MYO1D: variants seen among roughly 807,000 people sequenced by gnomAD.
The protein encoded by MYO1D is unconventional myosin-Id.
A neutral mutation model predicts 122.0 loss-of-function variants in MYO1D; 83 were observed. The observed-to-expected ratio is 0.68, with a 90% CI of 0.57 to 0.82. The LOEUF (loss-of-function observed/expected upper bound fraction) is 0.82, where lower values mean the gene tolerates loss of function less well. MYO1D is among the 40% of genes least tolerant of loss of function. MYO1D has a pLI of 0.00. For missense variants in MYO1D, 1,157 were observed against 1,269.5 expected, an observed-to-expected ratio of 0.91 and a Z score of 1.35; for synonymous variants, 464 against 446.9, an observed-to-expected ratio of 1.04 and a Z score of -0.48.
In MYO1D at chr17:32,650,565, T is replaced by G. The variant is rs559234052; in HGVS notation, c.2595+3278A>C. The stretch of plus-strand genomic sequence containing the variant: ...CACAGGAAGTTATCTAACAGCTTCC[T>G]GATGCTTTGTTTTAGCCTTTTATTT... On this transcript the variant is annotated intron_variant, in intron 19 of 21. Transcript: ENST00000318217. Among the ~76,000 whole-genome samples the G allele has an allele frequency of 2.0e-5, 3 of 152,336 alleles. No individual in the cohort carries two copies. The South Asian group carries it at 6.2e-4, about 32-fold the overall frequency.
chr17:32,836,774 C>T (rs1027097410), intron 1 of MYO1D, among the ~76,000 whole-genome samples: 2 of 151,880 alleles, frequency 1.3e-5, no homozygotes, highest in Non-Finnish European at 2.9e-5. Flanking sequence ...TAGATTATAC[C>T]ACGGTTAAGC....
intron 21 of MYO1D, among the ~76,000 whole-genome samples, chr17:32,536,004 G>C (rs576009302): frequency 6.6e-6 from 1 of 152,146 alleles, no homozygotes; most frequent in Non-Finnish European, 1.5e-5. Context: ...AGAGTTATGG[G>C]TCTCCCAGGA....
chr17:32,652,650 TC>T (rs1467287849), intron 19 of MYO1D, among the ~76,000 whole-genome samples: 1 of 152,142 alleles, frequency 6.6e-6, no homozygotes, highest in Non-Finnish European at 1.5e-5. Flanking sequence ...ACTAGCTACG[TC>T]CTTTGCCTTC....
Position 32,494,410 on chromosome 17 carries a change from A to T in MYO1D, c.*349T>A. 4.4e-6 allele frequency: 1 copy of T among 226,452 alleles called. No homozygotes were observed. The allele number at this position is 226,452 out of a possible 1,614,324, so 14.0% of individuals were successfully genotyped here. ...CCCTTCCCTCTGCAGGGTCAGCAGC[A>T]GGGAGGACACCTGTCCAGGTGCTCT... On this transcript the variant is annotated 3_prime_UTR_variant, in exon 22 of 22. Coordinates refer to ENST00000318217, the MANE Select transcript of MYO1D (RefSeq NM_015194.3).
intron 21 of MYO1D, among the ~76,000 whole-genome samples, chr17:32,506,873 T>G (rs1026960070): frequency 1.3e-5 from 2 of 152,112 alleles, no homozygotes; most frequent in African/African-American, 4.8e-5. Context: ...CCCAGCACTT[T>G]GGGAGGGTGA....
chr17:32,662,423 G>A (rs561997039), intron 16 of MYO1D, among the ~76,000 whole-genome samples: 106 of 152,178 alleles, frequency 7.0e-4, no homozygotes, highest in Non-Finnish European at 1.1e-3. Flanking sequence ...CTGTAATCTC[G>A]GCACTTTGGG....
rs1337342318 is a variant in MYO1D at position 32,876,790 on chromosome 17, T to A, written c.83A>T (p.Asn28Ile). 4 of 1,514,536 alleles carry A rather than the reference T, an allele frequency of 2.6e-6. No individual in the cohort carries two copies. The highest frequency in any genetic ancestry group is 3.5e-6 in the Non-Finnish European group (4 of 1,131,490). 93.8% of individuals were successfully genotyped at this position (1,514,536 alleles called of 1,614,324 possible). The change falls in exon 1 of 22, where the codon AAC becomes ATC. Residue 28 changes from asparagine to isoleucine, a missense_variant. By Grantham distance (149) the Asn-to-Ile change is moderately radical. Transcript: ENST00000318217. ...GCTCCGCCCTCACCTGAGCCTGAGG[T>A]TGGCCATGAACTCGGGCATGGAGAC... ...DTVSMPEFMA[N>I]LRLRFEKGRI...
At chr17:32,598,765 T>C (rs7208777) in intron 21 of MYO1D, among the ~76,000 whole-genome samples, 53,045 of 152,156 alleles carry the variant, frequency 0.35, 9,484 homozygotes, top group African/African-American at 0.4. Context: ...ACTGTACATA[T>C]TTTAATTAAA....
At chr17:32,642,065 T>C (rs1483885410) in intron 19 of MYO1D, among the ~76,000 whole-genome samples, 1 of 152,234 alleles carries the variant, frequency 6.6e-6, no homozygotes, top group Non-Finnish European at 1.5e-5. Context: ...TGGTTTTAGG[T>C]CTAACATTTT....
At chr17:32,743,432 CTT>C (rs2089794774) in intron 13 of MYO1D, among the ~76,000 whole-genome samples, 1 of 152,234 alleles carries the variant, frequency 6.6e-6, no homozygotes, top group South Asian at 2.1e-4. Flanking sequence ...AGCGTTTCCT[CTT>C]GTCTTCTCCT....
At chr17:32,814,623 GTCTCT>G (rs949012750) in intron 1 of MYO1D, among the ~76,000 whole-genome samples, 3 of 152,166 alleles carry the variant, frequency 2.0e-5, no homozygotes, top group Non-Finnish European at 2.9e-5. Flanking sequence ...ATGAAAACAT[GTCTCT>G]TCTAAGCACG....
intron 1 of MYO1D, among the ~76,000 whole-genome samples, chr17:32,809,868 G>A (rs2090554154): frequency 6.6e-6 from 1 of 152,222 alleles, no homozygotes; most frequent in Admixed American, 6.5e-5. Context: ...ATTGTCAGGT[G>A]AGCTAATAAT....
chr17:32,524,732 T>G (rs561050390), intron 21 of MYO1D, among the ~76,000 whole-genome samples: 54 of 152,182 alleles, frequency 3.5e-4, no homozygotes, highest in African/African-American at 1.0e-3. Flanking sequence ...CTGGCTGATT[T>G]TTGTATTTTT....
chr17:32,595,120 C>T (rs1003979873), intron 21 of MYO1D, among the ~76,000 whole-genome samples: 2 of 152,094 alleles, frequency 1.3e-5, no homozygotes, highest in Admixed American at 6.5e-5. Context: ...AGGAAAGAGA[C>T]ATTCATATGG....
At chr17:32,772,681 G>T in intron 5 of MYO1D, 108 bp downstream of exon 5, 1 of 886,748 alleles carries the variant, frequency 1.1e-6, no homozygotes, top group Non-Finnish European at 1.9e-6. Flanking sequence ...ATGTTACGGG[G>T]CCAATGGAGA....
At chr17:32,860,831 C>T (rs2091066381) in intron 1 of MYO1D, among the ~76,000 whole-genome samples, 1 of 152,174 alleles carries the variant, frequency 6.6e-6, no homozygotes, top group Non-Finnish European at 1.5e-5. Context: ...AGATTCCCTT[C>T]CGGCATTAAA....
intron 16 of MYO1D, among the ~76,000 whole-genome samples, chr17:32,663,239 T>A (rs191045305): frequency 1.4e-4 from 22 of 152,320 alleles, no homozygotes; most frequent in Non-Finnish European, 1.5e-5. Flanking sequence ...TCTTTTTTTG[T>A]ATGTGCAGAT....
At chr17:32,843,092 A>G (rs1659871403) in intron 1 of MYO1D, among the ~76,000 whole-genome samples, 1 of 151,632 alleles carries the variant, frequency 6.6e-6, no homozygotes. Context: ...GTTTCATCAT[A>G]TTGGTCAGGC....
intron 16 of MYO1D, among the ~76,000 whole-genome samples, chr17:32,659,906 A>G (rs560799969): frequency 1.5e-4 from 23 of 152,334 alleles, no homozygotes; most frequent in African/African-American, 5.1e-4. Flanking sequence ...ATCTTTGTTA[A>G]AAGTTTTTCA....
Sources: gnomAD v4.1 joint callset for allele counts (sites outside exome capture counted in the v4.1 genomes callset) on GRCh38, gnomAD v4.1.1 for gene constraint, MANE v1.5 for transcripts, NCBI Gene and HGNC (gene_info 2026-07-23, HGNC 2026-07-21) for gene names.